Variants in SUGT1 observed in about 807,000 individuals in gnomAD.
SUGT1 encodes the protein SGT1 assembly cochaperone of MIS12 kinetochore complex.
SUGT1 carries 15 observed loss-of-function variants against 56.1 expected under a neutral mutation model. The observed-to-expected ratio is 0.27, with a 90% CI of 0.18 to 0.41. SUGT1 has a LOEUF of 0.41. Ranked by LOEUF, SUGT1 falls within the 10% of genes least tolerant of loss-of-function variation. The pLI is 1.00. For synonymous variants in SUGT1, 123 were observed against 128.6 expected (o/e 0.96, Z 0.30); for missense variants, 347 against 382.2 (o/e 0.91, Z 0.77).
chr13:52,659,152 T>C, intron 4 of SUGT1, 27 bp from the exon 5 acceptor site: 1 of 1,514,294 alleles, frequency 6.6e-7, no homozygotes, highest in Non-Finnish European at 8.8e-7. Flanking sequence ...TTGTGTGTCT[T>C]AATTTGTTTT....
intron 10 of SUGT1, among the ~76,000 whole-genome samples, chr13:52,668,150 T>A (rs772034743): frequency 6.6e-6 from 1 of 152,050 alleles, no homozygotes; most frequent in Non-Finnish European, 1.5e-5. Flanking sequence ...GCCCAGCTAA[T>A]TTTTGTATTT....
chr13:52,670,807 C>T (rs572785045), intron 10 of SUGT1, among the ~76,000 whole-genome samples: 28 of 151,966 alleles, frequency 1.8e-4, no homozygotes, highest in African/African-American at 6.5e-4. Context: ...AGTGAGACTC[C>T]GTCTCCAAAA....
chr13:52,682,178 A>T (rs1209813941), intron 12 of SUGT1, among the ~76,000 whole-genome samples: 1 of 152,124 alleles, frequency 6.6e-6, no homozygotes, highest in East Asian at 1.9e-4. Context: ...AATAAATAAA[A>T]GTAATATTGT....
intron 2 of SUGT1, 38 bp downstream of exon 2, chr13:52,653,141 G>C (rs1391372621): frequency 3.1e-6 from 5 of 1,613,268 alleles, no homozygotes; most frequent in Admixed American, 1.7e-5. Flanking sequence ...ACTCTTCTTA[G>C]GGGAGCTGGG....
intron 11 of SUGT1, among the ~76,000 whole-genome samples, chr13:52,679,152 A>G (rs1254690705): frequency 6.6e-6 from 1 of 152,174 alleles, no homozygotes; most frequent in East Asian, 1.9e-4. Context: ...TTGGATAGTC[A>G]ACAGAGCTGC....
chr13:52,660,863 G>A (rs1440161800), intron 5 of SUGT1, among the ~76,000 whole-genome samples: 1 of 152,208 alleles, frequency 6.6e-6, no homozygotes, highest in Non-Finnish European at 1.5e-5. Flanking sequence ...CTGGAGTGCA[G>A]TGGTGCGATC....
Position 52,698,078 on chromosome 13 carries a change from G to A in SUGT1, c.*10243G>A, listed in dbSNP as rs536462652. 7 of 152,354 alleles carry A rather than the reference G, an allele frequency of 4.6e-5. No homozygotes were observed. Among genetic ancestry groups the A allele is most frequent in the African/African-American group, 1.4e-4 (6 of 41,586 alleles). 9.4% of individuals were successfully genotyped at this position (152,354 alleles called of 1,614,324 possible). A position where few individuals can be genotyped will look rare whatever the true frequency, so the allele number is the denominator to read the frequency against. ...ACCAAGGCAAGATTGGAGAATGACC[G>A]GTTGTGAACAGGGACTTAGGAATAT... On this transcript the variant is annotated 3_prime_UTR_variant, in exon 13 of 13. Coordinates refer to ENST00000310528, the MANE Select transcript of SUGT1 (RefSeq NM_006704.5).
chr13:52,675,081 C>T (rs74088619), intron 10 of SUGT1, among the ~76,000 whole-genome samples: 2,123 of 152,184 alleles, frequency 0.014, 47 homozygotes, highest in African/African-American at 0.049. Flanking sequence ...TAGGCCATTC[C>T]CTATGCTCTG....
At chr13:52,683,917 A>G (rs1159376503) in intron 12 of SUGT1, among the ~76,000 whole-genome samples, 3 of 152,064 alleles carry the variant, frequency 2.0e-5, no homozygotes, top group Non-Finnish European at 2.9e-5. Flanking sequence ...GCATTTTTCT[A>G]TCGCCCAGGC....
rs1393184292 is a variant in SUGT1 at position 52,691,376 on chromosome 13, TA to T, written c.*3542del. On this transcript the variant is annotated 3_prime_UTR_variant, in exon 13 of 13. Transcript: ENST00000310528. ...ATTTTAATTTAGTTCAGTACTTAAATATTTTTTGGCTCTTCTTTCCCACTTT... is the reference window on the plus strand; with the variant it reads ...ATTTTAATTTAGTTCAGTACTTAAATTTTTTTGGCTCTTCTTTCCCACTTT... The T allele has an allele frequency of 2.0e-5, 3 of 147,650 alleles. No homozygotes were observed. Among genetic ancestry groups the T allele is most frequent in the African/African-American group, 8.1e-5 (3 of 37,188 alleles). 9.1% of individuals were successfully genotyped at this position (147,650 alleles called of 1,614,324 possible).
intron 2 of SUGT1, among the ~76,000 whole-genome samples, chr13:52,655,574 G>A (rs1357970482): frequency 1.3e-5 from 2 of 152,148 alleles, no homozygotes; most frequent in African/African-American, 4.8e-5. Flanking sequence ...GGGCATGGAG[G>A]TGAGTTGTTT....
At chr13:52,682,589 G>T (rs1432798735) in intron 12 of SUGT1, among the ~76,000 whole-genome samples, 1 of 152,190 alleles carries the variant, frequency 6.6e-6, no homozygotes, top group African/African-American at 2.4e-5. Context: ...GGGGTGGATA[G>T]TATGTTCGGG....
At chr13:52,674,081 G>A (rs1466490448) in intron 10 of SUGT1, among the ~76,000 whole-genome samples, 1 of 99,984 alleles carries the variant, frequency 1.0e-5, no homozygotes, top group Non-Finnish European at 1.9e-5. Flanking sequence ...TTTTGACAGA[G>A]TCTCGCTCTG....
rs1386749003 is a variant in SUGT1 at position 52,662,669 on chromosome 13, G to A, written c.349G>A (p.Val117Ile). The A allele has an allele frequency of 6.2e-7, 1 of 1,613,718 alleles. No homozygotes were observed. Among genetic ancestry groups the A allele is most frequent in the African/African-American group, 1.3e-5 (1 of 74,902 alleles). The change falls in exon 6 of 13, where the codon GTC becomes ATC. Residue 117 changes from valine to isoleucine, a missense_variant. Transcript: ENST00000310528. ...TCTAGGTGCAGATGCTAATTTCAGT[G>A]TCTGGATTAAAAGGTGTCAAGAAGC... The part of the protein sequence containing the change: ...KLDSADANFS[V>I]WIKRCQEAQN...
At chr13:52,674,352 C>T (rs1001230895) in intron 10 of SUGT1, among the ~76,000 whole-genome samples, 15 of 152,016 alleles carry the variant, frequency 9.9e-5, no homozygotes, top group Non-Finnish European at 2.2e-4. Context: ...ATCCCAGTGA[C>T]GTTTGCTTCA....
rs1413170923 is a variant in SUGT1 at position 52,699,773 on chromosome 13, T to C, written c.*11938T>C. ...TATAGGCAGCTGAAAAGAAAATTCT[T>C]AGCAATTCATACCTTAGAAGGAACC... On this transcript the variant is annotated 3_prime_UTR_variant, in exon 13 of 13. Transcript: ENST00000310528. 1 of 152,182 alleles carries C rather than the reference T, an allele frequency of 6.6e-6. No individual in the cohort carries two copies. Among genetic ancestry groups the C allele is most frequent in the East Asian group, 1.9e-4 (1 of 5,202 alleles). 9.4% of individuals were successfully genotyped at this position (152,182 alleles called of 1,614,324 possible).
chr13:52,677,227 A>G (rs1963182972), intron 11 of SUGT1, among the ~76,000 whole-genome samples: 1 of 152,152 alleles, frequency 6.6e-6, no homozygotes, highest in Non-Finnish European at 1.5e-5. Flanking sequence ...CTTAAGAAAT[A>G]ATTTTGGATG....
In SUGT1 at chr13:52,679,990, T is replaced by C. The variant is rs762790279; in HGVS notation, c.735T>C (p.Tyr245=). 2.1e-5 allele frequency: 33 copies of C among 1,595,342 alleles called. No individual in the cohort carries two copies. The highest frequency in any genetic ancestry group is 7.4e-5 in the Admixed American group (4 of 53,920). The part of the protein sequence containing the change: ...KQFVADVKNL[Y]PSSSPYTRNW... ...ACTTCATAGATGTAAAGAACCTATA[T>C]CCATCATCATCTCCTTATACAAGAA... Residue 245 remains tyrosine, a synonymous_variant, in exon 12 of 13, where the codon TAT becomes TAC. Coordinates refer to ENST00000310528, the MANE Select transcript of SUGT1 (RefSeq NM_006704.5).
At chr13:52,675,429 T>C (rs926120101) in intron 10 of SUGT1, among the ~76,000 whole-genome samples, 1 of 152,044 alleles carries the variant, frequency 6.6e-6, no homozygotes, top group African/African-American at 2.4e-5. Context: ...TTAAAAACAT[T>C]AGCCAGGAGT....
Sources: allele counts gnomAD v4.1 joint callset (sites outside exome capture counted in the v4.1 genomes callset), GRCh38; gene constraint gnomAD v4.1.1; transcripts MANE v1.5; gene names NCBI Gene and HGNC (gene_info 2026-07-23, HGNC 2026-07-21).